HDAC9: variants seen among roughly 807,000 people sequenced by gnomAD.
HDAC9 encodes histone deacetylase 9.
A neutral mutation model predicts 139.4 loss-of-function variants in HDAC9; 41 were observed. The observed-to-expected ratio is 0.29, with a 90% CI of 0.23 to 0.38. The LOEUF (loss-of-function observed/expected upper bound fraction) is 0.38, where lower values mean the gene tolerates loss of function less well. Among genes scored for constraint, HDAC9 ranks in the 10% least tolerant of loss-of-function variants. HDAC9 has a pLI of 1.00. For missense variants in HDAC9, 1,147 were observed against 1,297.0 expected, an observed-to-expected ratio of 0.88 and a Z score of 1.78; for synonymous variants, 517 against 476.2, an observed-to-expected ratio of 1.09 and a Z score of -1.12.
chr7:18,286,465 A>G (rs890951378), upstream of HDAC9, among the ~76,000 whole-genome samples: 2 of 119,000 alleles, frequency 1.7e-5, no homozygotes, highest in African/African-American at 5.2e-5. Context: ...AAGTGGTCTT[A>G]TTATGTATGA....
chr7:18,654,289 C>A (rs2129045997), intron 11 of HDAC9, among the ~76,000 whole-genome samples: 1 of 152,222 alleles, frequency 6.6e-6, no homozygotes, highest in South Asian at 2.1e-4. Context: ...CTTTTTGCTG[C>A]ACCTACTTCT....
intron 22 of HDAC9, among the ~76,000 whole-genome samples, chr7:18,927,369 C>A (rs553695624): frequency 1.3e-5 from 2 of 152,242 alleles, no homozygotes; most frequent in Admixed American, 1.3e-4. Flanking sequence ...TGGAGAGCCT[C>A]ACAATACATG....
chr7:18,154,575 A>AT (rs1562683387), intron 1 of HDAC9, among the ~76,000 whole-genome samples: 2 of 152,222 alleles, frequency 1.3e-5, no homozygotes, highest in East Asian at 3.8e-4. Flanking sequence ...CATAAGTTAA[A>AT]TAATTCATGT....
chr7:18,778,673 C>G (rs1161320719), intron 16 of HDAC9, among the ~76,000 whole-genome samples: 2 of 152,046 alleles, frequency 1.3e-5, no homozygotes, highest in Non-Finnish European at 2.9e-5. Context: ...CTGGTCTTTA[C>G]TGGCCACATA....
At chr7:18,547,857 T>TTCCTTCCCTCCCTCCCTCCC (rs1563229989) in intron 2 of HDAC9, among the ~76,000 whole-genome samples, 6 of 118,458 alleles carry the variant, frequency 5.1e-5, no homozygotes, top group African/African-American at 2.4e-4. Flanking sequence ...CCTTCCTTCC[T>TTCCTTCCCTCCCTCCCTCCC]ACCCTCCCTC....
At chr7:18,094,840 G>A (rs894958246) in intron 1 of HDAC9, among the ~76,000 whole-genome samples, 1 of 152,070 alleles carries the variant, frequency 6.6e-6, no homozygotes, top group Non-Finnish European at 1.5e-5. Flanking sequence ...GCTAGCAAGT[G>A]GCTTCGATTT....
At chr7:18,133,209 A>G (rs558102765) in intron 1 of HDAC9, among the ~76,000 whole-genome samples, 1 of 152,220 alleles carries the variant, frequency 6.6e-6, no homozygotes, top group East Asian at 1.9e-4. Context: ...AAATAGAACA[A>G]ATTCCACAAA....
rs1404216762 is a variant in HDAC9 at position 18,999,251 on chromosome 7, C to T, written c.*3189C>T. ...TAACCTTTCACTGACAACATCATGG[C>T]CTTGAAAGCAGGGATCTCCTCCCAC... On this transcript the variant is annotated 3_prime_UTR_variant, in exon 26 of 26. Transcript: ENST00000686413. The T allele has an allele frequency of 1.3e-5, 2 of 152,318 alleles. No homozygotes were observed. The highest frequency in any genetic ancestry group is 3.9e-4 in the East Asian group (2 of 5,180). The allele number at this position is 152,318 out of a possible 1,614,324, so 9.4% of individuals were successfully genotyped here.
Position 18,312,749 on chromosome 7 carries a change from G to A in HDAC9, c.-42+22234G>A, listed in dbSNP as rs150712542. 3.9e-5 allele frequency among the ~76,000 whole-genome samples: 6 copies of A among 152,100 alleles called. No individual in the cohort carries two copies. In the East Asian group the frequency reaches 1.2e-3, roughly 29 times the overall value. ...TTGCTTGATCTCAGTTTTCTTAGAT[G>A]GCTATTTTTAGCTTGTGAACAGTAA... On this transcript the variant is annotated intron_variant, in intron 1 of 3. Transcript: ENST00000413509.
intron 12 of HDAC9, among the ~76,000 whole-genome samples, chr7:18,675,981 T>C (rs774687640): frequency 1.8e-4 from 28 of 152,082 alleles, no homozygotes; most frequent in Non-Finnish European, 3.4e-4. Context: ...TAGGTGTGAA[T>C]GATTAACATG....
At chr7:18,720,812 T>G (rs956022112) in intron 12 of HDAC9, among the ~76,000 whole-genome samples, 1 of 151,962 alleles carries the variant, frequency 6.6e-6, no homozygotes, top group Non-Finnish European at 1.5e-5. Flanking sequence ...CTCCTGGGAC[T>G]ACAGGCATTT....
chr7:18,861,672 A>AAT (rs1798120030), intron 21 of HDAC9, among the ~76,000 whole-genome samples: 1 of 152,216 alleles, frequency 6.6e-6, no homozygotes, highest in South Asian at 2.1e-4. Flanking sequence ...GTTACTGGCT[A>AAT]CGTGACACAT....
intron 11 of HDAC9, among the ~76,000 whole-genome samples, chr7:18,652,662 C>A (rs1002278956): frequency 5.3e-5 from 8 of 152,028 alleles, no homozygotes; most frequent in African/African-American, 1.7e-4. Flanking sequence ...AATAGAATTG[C>A]ACTGATTCAT....
intron 13 of HDAC9, among the ~76,000 whole-genome samples, chr7:18,741,924 C>A (rs1462023905): frequency 6.6e-6 from 1 of 152,160 alleles, no homozygotes; most frequent in Non-Finnish European, 1.5e-5. Flanking sequence ...AGAAATGGAA[C>A]CTCAATATAT....
chr7:18,356,902 ATTG>A (rs1184149410), intron 1 of HDAC9, among the ~76,000 whole-genome samples: 2 of 152,054 alleles, frequency 1.3e-5, no homozygotes, highest in African/African-American at 4.8e-5. Flanking sequence ...GTGTTTTTTG[ATTG>A]TTGTTCTTTT....
At chr7:18,741,332 T>C (rs973197203) in intron 13 of HDAC9, among the ~76,000 whole-genome samples, 4 of 152,214 alleles carry the variant, frequency 2.6e-5, no homozygotes, top group Non-Finnish European at 5.9e-5. Context: ...CCAGTGCTCA[T>C]TTCCCTTCCT....
intron 1 of HDAC9, among the ~76,000 whole-genome samples, chr7:18,354,010 C>A (rs1480404368): frequency 6.6e-6 from 1 of 151,720 alleles, no homozygotes; most frequent in African/African-American, 2.4e-5. Context: ...GTGGCTTTAC[C>A]CTTTAAGTTA....
rs534037555 is a variant in HDAC9, at chr7:18,582,291, T to G, written c.23-2990T>G. On this transcript the variant is annotated intron_variant, in intron 2 of 25. Transcript: ENST00000686413. ...ATACAGAAAAGTAAAGGGAGAATCA[T>G]TCATATTTCCGTCTAAAATACAGCC... Among the ~76,000 whole-genome samples the G allele has an allele frequency of 2.0e-5, 3 of 152,302 alleles. No homozygotes were observed. The South Asian group carries it at 6.2e-4, about 32-fold the overall frequency.
intron 25 of HDAC9, among the ~76,000 whole-genome samples, chr7:18,980,272 G>C (rs1293731917): frequency 6.6e-6 from 1 of 152,144 alleles, no homozygotes; most frequent in Non-Finnish European, 1.5e-5. Context: ...TTACAAAACA[G>C]TGTTTACTTT....
Sources: gnomAD v4.1 joint callset for allele counts (sites outside exome capture counted in the v4.1 genomes callset) on GRCh38, gnomAD v4.1.1 for gene constraint, MANE v1.5 for transcripts, NCBI Gene and HGNC (gene_info 2026-07-23, HGNC 2026-07-21) for gene names.